NPAS3: variants seen among roughly 807,000 people sequenced by gnomAD.
NPAS3 encodes neuronal PAS domain protein 3.
NPAS3 carries 14 observed loss-of-function variants against 73.1 expected under a neutral mutation model. That is an observed-to-expected ratio of 0.19 (90% CI 0.13 to 0.30). The LOEUF is 0.30. NPAS3 is among the 10% of genes least tolerant of loss of function. The pLI is 1.00. For missense variants in NPAS3, 1,096 were observed against 1,250.0 expected (o/e 0.88, Z 1.86); for synonymous variants, 620 against 541.5 (o/e 1.14, Z -2.01).
At chr14:33,212,597 G>A (rs1488544757) in intron 2 of NPAS3, among the ~76,000 whole-genome samples, 1 of 152,158 alleles carries the variant, frequency 6.6e-6, no homozygotes, top group Non-Finnish European at 1.5e-5. Flanking sequence ...ATAGAGAAAA[G>A]CCATCTCCCT....
chr14:33,773,908 G>A (rs191579113), intron 7 of NPAS3, among the ~76,000 whole-genome samples: 4 of 152,142 alleles, frequency 2.6e-5, no homozygotes, highest in Admixed American at 2.6e-4. Flanking sequence ...ACGAAGGAGG[G>A]CTCAGAAACC....
At chr14:33,114,567 G>A (rs2042999769) in intron 2 of NPAS3, among the ~76,000 whole-genome samples, 1 of 152,114 alleles carries the variant, frequency 6.6e-6, no homozygotes, top group Admixed American at 6.6e-5. Flanking sequence ...AGAGTCATCA[G>A]TAATTGAGAA....
intron 9 of NPAS3, among the ~76,000 whole-genome samples, chr14:33,791,355 T>G (rs1321351388): frequency 6.6e-6 from 1 of 152,184 alleles, no homozygotes; most frequent in Non-Finnish European, 1.5e-5. Flanking sequence ...TATTTAGCTC[T>G]CCTCTCTTGC....
chr14:33,756,584 C>T (rs2062122152), intron 7 of NPAS3, among the ~76,000 whole-genome samples: 1 of 152,198 alleles, frequency 6.6e-6, no homozygotes, highest in Non-Finnish European at 1.5e-5. Flanking sequence ...CACTTCATCT[C>T]TCTTAGCCTC....
chr14:33,554,860 C>T (rs2055283361), intron 4 of NPAS3, among the ~76,000 whole-genome samples: 1 of 152,058 alleles, frequency 6.6e-6, no homozygotes, highest in African/African-American at 2.4e-5. Flanking sequence ...TACCTTCAGT[C>T]ATGGACCTGT....
intron 9 of NPAS3, among the ~76,000 whole-genome samples, chr14:33,789,822 C>T (rs2063303090): frequency 6.6e-6 from 1 of 151,736 alleles, no homozygotes; most frequent in Non-Finnish European, 1.5e-5. Flanking sequence ...ATCTCCTGAC[C>T]TCGTGATCCG....
intron 4 of NPAS3, among the ~76,000 whole-genome samples, chr14:33,455,800 C>G (rs2049998309): frequency 6.6e-6 from 1 of 152,180 alleles, no homozygotes; most frequent in Non-Finnish European, 1.5e-5. Context: ...CTCTAAGAGT[C>G]TTGCTCATTT....
chr14:33,529,878 G>A (rs572956285), intron 4 of NPAS3, among the ~76,000 whole-genome samples: 1 of 152,208 alleles, frequency 6.6e-6, no homozygotes, highest in African/African-American at 2.4e-5. Flanking sequence ...TTACCAAGCG[G>A]CAGCATGTTC....
At chr14:33,579,356 T>C (rs1284149926) in intron 5 of NPAS3, among the ~76,000 whole-genome samples, 1 of 152,234 alleles carries the variant, frequency 6.6e-6, no homozygotes, top group Admixed American at 6.5e-5. Context: ...AGAAGCATCA[T>C]ATTTTATTGG....
intron 1 of NPAS3, among the ~76,000 whole-genome samples, chr14:32,946,346 GCGCACACACACACACACA>G (rs2036255112): frequency 7.6e-6 from 1 of 131,872 alleles, no homozygotes. Flanking sequence ...ACACACACAC[GCGCACACACACACACACA>G]CACACACACA....
intron 1 of NPAS3, among the ~76,000 whole-genome samples, chr14:33,049,442 G>A (rs2040625767): frequency 6.6e-6 from 1 of 152,192 alleles, no homozygotes; most frequent in Non-Finnish European, 1.5e-5. Context: ...GGCTGGGGAA[G>A]CCTCACAATC....
At chr14:33,720,247 C>T (rs957889396) in intron 6 of NPAS3, among the ~76,000 whole-genome samples, 3 of 152,102 alleles carry the variant, frequency 2.0e-5, no homozygotes, top group African/African-American at 7.2e-5. Flanking sequence ...GTATTTATTA[C>T]CTGTTAGGAA....
intron 1 of NPAS3, among the ~76,000 whole-genome samples, chr14:32,970,400 C>T (rs909712214): frequency 2.0e-5 from 3 of 152,150 alleles, no homozygotes; most frequent in Admixed American, 1.3e-4. Context: ...CCATGGTTTT[C>T]TCTTACCTTT....
chr14:33,299,617 C>T (rs1391418885), intron 3 of NPAS3, among the ~76,000 whole-genome samples: 1 of 151,830 alleles, frequency 6.6e-6, no homozygotes, highest in African/African-American at 2.4e-5. Flanking sequence ...GTGCTTAAGT[C>T]TGAGCTCAGT....
intron 9 of NPAS3, among the ~76,000 whole-genome samples, chr14:33,791,578 G>A (rs1418269868): frequency 2.6e-5 from 4 of 152,162 alleles, no homozygotes; most frequent in African/African-American, 9.7e-5. Context: ...AGACCACTGG[G>A]GAGGCCAAAC....
chr14:33,357,754 G>A (rs931237473), intron 3 of NPAS3, among the ~76,000 whole-genome samples: 2 of 152,276 alleles, frequency 1.3e-5, no homozygotes, highest in Middle Eastern at 3.4e-3. Flanking sequence ...CTCTGGCTTG[G>A]GAAGGTGACT....
intron 4 of NPAS3, among the ~76,000 whole-genome samples, chr14:33,556,551 A>G (rs2055365596): frequency 6.6e-6 from 1 of 152,256 alleles, no homozygotes; most frequent in Non-Finnish European, 1.5e-5. Context: ...TGCCAGCTAG[A>G]GAAAGATAAA....
intron 2 of NPAS3, among the ~76,000 whole-genome samples, chr14:33,199,276 CA>C (rs1162781571): frequency 1.3e-5 from 2 of 152,184 alleles, no homozygotes; most frequent in Non-Finnish European, 2.9e-5. Flanking sequence ...CGAGGGCCTC[CA>C]GCACGTTGTC....
intron 1 of NPAS3, among the ~76,000 whole-genome samples, chr14:33,004,509 G>T (rs1423359053): frequency 6.6e-6 from 1 of 152,160 alleles, no homozygotes; most frequent in Non-Finnish European, 1.5e-5. Context: ...AGGACTAGAA[G>T]TTGCCCCAGG....
Sources: gnomAD v4.1 joint callset for allele counts (sites outside exome capture counted in the v4.1 genomes callset) on GRCh38, gnomAD v4.1.1 for gene constraint, MANE v1.5 for transcripts, NCBI Gene and HGNC (gene_info 2026-07-23, HGNC 2026-07-21) for gene names.